Variants in CD274 observed in about 807,000 individuals in gnomAD.
CD274 encodes the protein CD274 molecule.
In CD274, 8 loss-of-function variants were observed where a neutral mutation model predicts 30.1. That is an observed-to-expected ratio of 0.27 (90% CI 0.16 to 0.48). The LOEUF (loss-of-function observed/expected upper bound fraction) is 0.48. Ranked by LOEUF, CD274 falls within the 20% of genes least tolerant of loss-of-function variation. The pLI is 0.99. For missense variants in CD274, 353 were observed against 346.6 expected (o/e 1.02, Z -0.15); for synonymous variants, 152 against 124.6 (o/e 1.22, Z -1.46).
chr9:5,461,656 T>C (rs2131220567), intron 3 of CD274, among the ~76,000 whole-genome samples: 2 of 152,238 alleles, frequency 1.3e-5, no homozygotes, highest in East Asian at 3.9e-4. Context: ...AAAAAAAGAT[T>C]ATACCAACAA....
intron 5 of CD274, 28 bp from the exon 6 acceptor site, chr9:5,466,742 G>T (rs754419555): frequency 2.5e-6 from 4 of 1,570,002 alleles, no homozygotes; most frequent in Non-Finnish European, 3.5e-6. Context: ...GTGCTATATG[G>T]AAATAAAAAT....
At chr9:5,457,876 C>T (rs1035883550) in intron 3 of CD274, among the ~76,000 whole-genome samples, 19 of 151,964 alleles carry the variant, frequency 1.3e-4, no homozygotes, top group Admixed American at 3.9e-4. Flanking sequence ...TTATTAGGTC[C>T]GTCAGTTTTC....
At chr9:5,465,460 T>C in intron 4 of CD274, 39 bp from the exon 5 acceptor site, 1 of 1,213,552 alleles carries the variant, frequency 8.2e-7, no homozygotes, top group Non-Finnish European at 1.2e-6. Flanking sequence ...CAAAATTTTA[T>C]CTTTAGTCAG....
At chr9:5,462,754 T>G in intron 3 of CD274, 80 bp from the exon 4 acceptor site, 3 of 1,337,514 alleles carry the variant, frequency 2.2e-6, no homozygotes, top group Non-Finnish European at 3.1e-6. Flanking sequence ...TTGATACTCT[T>G]TCTAATGTGG....
intron 3 of CD274, among the ~76,000 whole-genome samples, chr9:5,459,076 C>T (rs1377931264): frequency 2.0e-5 from 3 of 151,918 alleles, no homozygotes; most frequent in African/African-American, 7.3e-5. Context: ...GGGTTTTATT[C>T]AGGTCGTCTG....
intron 1 of CD274, among the ~76,000 whole-genome samples, chr9:5,453,591 T>C (rs1819246040): frequency 6.6e-6 from 1 of 152,260 alleles, no homozygotes; most frequent in African/African-American, 2.4e-5. Context: ...ATTATGGAAC[T>C]GTTAAATAAG....
chr9:5,451,038 G>C (rs1819193777), intron 1 of CD274, among the ~76,000 whole-genome samples: 1 of 152,158 alleles, frequency 6.6e-6, no homozygotes, highest in Non-Finnish European at 1.5e-5. Flanking sequence ...AGCAGGTCCA[G>C]GATCCCTGAA....
Position 5,468,113 on chromosome 9 carries a change from G to T in CD274, c.*251G>T. 1 of 515,670 alleles carries T rather than the reference G, an allele frequency of 1.9e-6. No homozygotes were observed. Among genetic ancestry groups the T allele is most frequent in the Non-Finnish European group, 3.5e-6 (1 of 289,316 alleles). The allele number at this position is 515,670 out of a possible 1,614,324, so 31.9% of individuals were successfully genotyped here. On this transcript the variant is annotated 3_prime_UTR_variant, in exon 7 of 7. Transcript: ENST00000381577. ...ATGCCTGAGGGGCTCATCGACGCCT[G>T]TGACAGGGAGAAAGGATACTTCTGA...
chr9:5,453,446 A>T (rs1293459570), intron 1 of CD274, among the ~76,000 whole-genome samples: 1 of 152,236 alleles, frequency 6.6e-6, no homozygotes, highest in Non-Finnish European at 1.5e-5. Flanking sequence ...CTATTTGGGA[A>T]AATCTATCCT....
At chr9:5,452,846 T>G (rs1819231464) in intron 1 of CD274, among the ~76,000 whole-genome samples, 1 of 152,182 alleles carries the variant, frequency 6.6e-6, no homozygotes, top group Admixed American at 6.5e-5. Flanking sequence ...CATGACTAGA[T>G]TTAATGTCCC....
chr9:5,461,146 G>A (rs1422302941), intron 3 of CD274, among the ~76,000 whole-genome samples: 1 of 152,090 alleles, frequency 6.6e-6, no homozygotes, highest in Non-Finnish European at 1.5e-5. Context: ...CTTGAGGTTT[G>A]TGTTTTTTTA....
At chr9:5,450,645 C>T (rs1393294526) in intron 1 of CD274, 49 bp downstream of exon 1, 2 of 152,224 alleles carry the variant, frequency 1.3e-5, no homozygotes, top group Non-Finnish European at 2.9e-5. Flanking sequence ...GTATCTCTGG[C>T]TAGCTCGCTG....
chr9:5,455,320 G>C (rs1819280852), intron 1 of CD274, among the ~76,000 whole-genome samples: 1 of 152,102 alleles, frequency 6.6e-6, no homozygotes, highest in South Asian at 2.1e-4. Flanking sequence ...GCTTAAAATA[G>C]TGCCTAGCAC....
chr9:5,452,085 G>A (rs890414065), intron 1 of CD274, among the ~76,000 whole-genome samples: 10 of 147,996 alleles, frequency 6.8e-5, no homozygotes, highest in African/African-American at 2.3e-4. Flanking sequence ...GAGTGCAGTG[G>A]TGCAATCTCA....
intron 3 of CD274, among the ~76,000 whole-genome samples, chr9:5,459,016 A>G (rs2131216040): frequency 6.6e-6 from 1 of 152,306 alleles, no homozygotes; most frequent in South Asian, 2.1e-4. Context: ...GTCTCTCATC[A>G]GCCTGTAGGG....
chr9:5,467,870 T>A lies in CD274; in HGVS notation c.*8T>A, dbSNP rs376113864. 6.2e-7 allele frequency: 1 copy of A among 1,607,484 alleles called. No homozygotes were observed. The highest frequency in any genetic ancestry group is 8.5e-7 in the Non-Finnish European group (1 of 1,174,004). ...CATTTGGAGGAGACGTAATCCAGCA[T>A]TGGAACTTCTGATCTTCAAGCAGGG... On this transcript the variant is annotated 3_prime_UTR_variant, in exon 7 of 7. Coordinates refer to ENST00000381577, the MANE Select transcript of CD274 (RefSeq NM_014143.4).
At chr9:5,459,056 T>C (rs1563803610) in intron 3 of CD274, among the ~76,000 whole-genome samples, 2 of 152,134 alleles carry the variant, frequency 1.3e-5, no homozygotes, top group Non-Finnish European at 2.9e-5. Flanking sequence ...GCTGTCCTTG[T>C]AGTAGGGAAG....
intron 1 of CD274, among the ~76,000 whole-genome samples, chr9:5,454,653 G>A (rs953201709): frequency 6.6e-5 from 10 of 151,942 alleles, no homozygotes; most frequent in Non-Finnish European, 1.0e-4. Flanking sequence ...GTGTGTGTGT[G>A]TGTTTTTGTT....
In CD274 at chr9:5,451,205, G is replaced by C. The variant is rs569232775; in HGVS notation, c.-15+609G>C. On this transcript the variant is annotated intron_variant, in intron 1 of 6. Transcript: ENST00000381577. The stretch of plus-strand genomic sequence containing the variant: ...GTCTGGGTTTGTCTTATAACACAAG[G>C]AGTAAAAGTACCATTGTTCTACCTC... Among the ~76,000 whole-genome samples the C allele has an allele frequency of 9.2e-5, 14 of 152,198 alleles. No individual in the cohort carries two copies. The South Asian group carries it at 2.9e-3, about 32-fold the overall frequency.
Sources: allele counts gnomAD v4.1 joint callset (sites outside exome capture counted in the v4.1 genomes callset), GRCh38; gene constraint gnomAD v4.1.1; transcripts MANE v1.5; gene names NCBI Gene and HGNC (gene_info 2026-07-23, HGNC 2026-07-21).